Variants in TRIO observed in about 807,000 individuals in gnomAD.
TRIO encodes triple functional domain protein.
TRIO carries 58 observed loss-of-function variants against 351.9 expected under a neutral mutation model. The observed-to-expected ratio is 0.16, with a 90% CI of 0.13 to 0.21. The LOEUF (loss-of-function observed/expected upper bound fraction) is 0.21, where lower values mean the gene tolerates loss of function less well. Ranked by LOEUF, TRIO falls within the 10% of genes least tolerant of loss-of-function variation. TRIO has a pLI of 1.00. For synonymous variants in TRIO, 1,758 were observed against 1,595.7 expected (o/e 1.10, Z -2.42); for missense variants, 3,201 against 4,027.8 (o/e 0.79, Z 5.56).
At chr5:14,223,141 G>A (rs971109180) in intron 1 of TRIO, among the ~76,000 whole-genome samples, 1 of 152,142 alleles carries the variant, frequency 6.6e-6, no homozygotes, top group Non-Finnish European at 1.5e-5. Flanking sequence ...CCCAGCTTTG[G>A]AATCTTGGGC....
chr5:14,144,369 C>G (rs1290334836), intron 1 of TRIO, among the ~76,000 whole-genome samples: 1 of 152,228 alleles, frequency 6.6e-6, no homozygotes, highest in Non-Finnish European at 1.5e-5. Flanking sequence ...TACCTGGACC[C>G]TCCTCGACCC....
At chr5:14,204,522 G>A (rs1791339867) in intron 1 of TRIO, among the ~76,000 whole-genome samples, 1 of 152,112 alleles carries the variant, frequency 6.6e-6, no homozygotes, top group South Asian at 2.1e-4. Flanking sequence ...GTCAGTGTTG[G>A]TCTCTAGGTC....
chr5:14,360,121 C>G (rs744048), intron 13 of TRIO, among the ~76,000 whole-genome samples: 38,316 of 151,876 alleles, frequency 0.25, 5,641 homozygotes, highest in Middle Eastern at 0.36. Context: ...GACTTGTGGT[C>G]GTAGCATTTT....
intron 34 of TRIO, among the ~76,000 whole-genome samples, chr5:14,457,915 G>A (rs1345197400): frequency 6.6e-6 from 1 of 152,072 alleles, no homozygotes; most frequent in Non-Finnish European, 1.5e-5. Flanking sequence ...TAACTTACAG[G>A]CCCAAAAATG....
chr5:14,214,194 G>A (rs1331794084), intron 1 of TRIO, among the ~76,000 whole-genome samples: 1 of 152,136 alleles, frequency 6.6e-6, no homozygotes, highest in African/African-American at 2.4e-5. Flanking sequence ...GGGTTGACTG[G>A]CCATCTTGAA....
chr5:14,184,997 G>A (rs1250399938), intron 1 of TRIO, among the ~76,000 whole-genome samples: 2 of 151,872 alleles, frequency 1.3e-5, no homozygotes, highest in East Asian at 3.9e-4. Context: ...CTCCTTATTC[G>A]GGTCCATCTC....
In TRIO at chr5:14,476,667, G is replaced by A. The variant is rs74978596; in HGVS notation, c.6084-227G>A. 6.3e-3 allele frequency among the ~76,000 whole-genome samples: 957 copies of A among 152,074 alleles called. 15 individuals are homozygous for A. Among genetic ancestry groups the A allele is most frequent in the African/African-American group, 0.022 (921 of 41,468 alleles). Reference sequence around the variant, plus strand: ...AAATTAGCTAGGCATAGTGGTGCACGCCTATAACCCCAGCTACTTGGGAGG... The same window carrying A: ...AAATTAGCTAGGCATAGTGGTGCACACCTATAACCCCAGCTACTTGGGAGG... On this transcript the variant is annotated intron_variant, in intron 40 of 56. Transcript: ENST00000344204.
intron 34 of TRIO, among the ~76,000 whole-genome samples, chr5:14,456,983 T>C (rs1434580077): frequency 6.6e-6 from 1 of 152,214 alleles, no homozygotes; most frequent in African/African-American, 2.4e-5. Flanking sequence ...GGCTGTTACA[T>C]TCCATTGATT....
chr5:14,435,526 A>G (rs1751510733), intron 34 of TRIO, among the ~76,000 whole-genome samples: 1 of 152,096 alleles, frequency 6.6e-6, no homozygotes, highest in Admixed American at 6.5e-5. Context: ...TTCTCATCCT[A>G]CCTTTACCCT....
chr5:14,349,085 ATG>A (rs544117851), intron 11 of TRIO, among the ~76,000 whole-genome samples: 24 of 143,078 alleles, frequency 1.7e-4, no homozygotes, highest in South Asian at 1.4e-3. Flanking sequence ...GCACATGAGC[ATG>A]TGTGTTTTTC....
intron 11 of TRIO, among the ~76,000 whole-genome samples, chr5:14,343,105 A>AG (rs1491075905): frequency 4.6e-4 from 57 of 124,552 alleles, no homozygotes; most frequent in African/African-American, 1.0e-3. Flanking sequence ...AAAAAAAAAA[A>AG]AGAGAGAGAA....
chr5:14,307,277 A>G (rs1346203964), intron 8 of TRIO, among the ~76,000 whole-genome samples: 1 of 152,130 alleles, frequency 6.6e-6, no homozygotes, highest in East Asian at 1.9e-4. Flanking sequence ...CTCCACAGCC[A>G]CTGATCCTAT....
chr5:14,311,956 G>C (rs546101775), intron 8 of TRIO, among the ~76,000 whole-genome samples: 7 of 152,230 alleles, frequency 4.6e-5, no homozygotes, highest in African/African-American at 9.6e-5. Flanking sequence ...ACTGCGTTTG[G>C]ACCTAATTGA....
At chr5:14,492,531 C>T in intron 48 of TRIO, 36 bp from the exon 49 acceptor site, 1 of 1,606,628 alleles carries the variant, frequency 6.2e-7, no homozygotes. Context: ...TTCAGTTCCT[C>T]CCTGCCTTTC....
intron 34 of TRIO, among the ~76,000 whole-genome samples, chr5:14,452,507 G>A (rs912382843): frequency 6.6e-6 from 1 of 152,308 alleles, no homozygotes; most frequent in African/African-American, 2.4e-5. Context: ...GTGGAACCCC[G>A]GCCCGGTGGC....
In TRIO at chr5:14,368,988, C is replaced by G; in HGVS notation, c.3066+89C>G. 6.9e-6 allele frequency: 10 copies of G among 1,445,386 alleles called. No homozygotes were observed. The Middle Eastern group carries it at 7.5e-4, about 108-fold the overall frequency. The allele number at this position is 1,445,386 out of a possible 1,614,324, so 89.5% of individuals were successfully genotyped here. A position where few individuals can be genotyped will look rare whatever the true frequency, so the allele number is the denominator to read the frequency against. ...ACAGCTCAATCATTGTTAACATGTT[C>G]ATCGTTATTGAAACAATCAGTTGCC... On this transcript the variant is annotated intron_variant, in intron 17 of 56. Transcript: ENST00000344204.
chr5:14,289,482 A>AT (rs1736724952), intron 4 of TRIO, among the ~76,000 whole-genome samples: 1 of 152,122 alleles, frequency 6.6e-6, no homozygotes, highest in South Asian at 2.1e-4. Context: ...GAGCCCAGGA[A>AT]TTTAAGCTTA....
intron 34 of TRIO, chr5:14,420,231 A>G (rs1750005130): frequency 2.9e-6 from 2 of 684,572 alleles, no homozygotes; most frequent in Non-Finnish European, 4.8e-6. Flanking sequence ...ATAATGAGTG[A>G]TCTCCTCACT....
intron 1 of TRIO, among the ~76,000 whole-genome samples, chr5:14,179,037 C>T (rs1009330408): frequency 1.5e-4 from 23 of 152,204 alleles, no homozygotes; most frequent in African/African-American, 5.5e-4. Context: ...TGTACTCCCC[C>T]CACCCCCGCA....
Sources: allele counts gnomAD v4.1 joint callset (sites outside exome capture counted in the v4.1 genomes callset), GRCh38; gene constraint gnomAD v4.1.1; transcripts MANE v1.5; gene names NCBI Gene and HGNC (gene_info 2026-07-23, HGNC 2026-07-21).